Variants in ZFHX3 observed in about 807,000 individuals in gnomAD.
ZFHX3 encodes the protein zinc finger homeobox 3.
A neutral mutation model predicts 279.1 loss-of-function variants in ZFHX3; 42 were observed. The observed-to-expected ratio is 0.15, with a 90% confidence interval of 0.12 to 0.19. The LOEUF (loss-of-function observed/expected upper bound fraction) is 0.19. Among genes scored for constraint, ZFHX3 ranks in the 10% least tolerant of loss-of-function variants. The pLI, the probability that ZFHX3 is intolerant of heterozygous loss-of-function variation, is 1.00. For missense variants in ZFHX3, 4,981 were observed against 4,754.0 expected (o/e 1.05, Z -1.40); for synonymous variants, 2,293 against 1,957.8 (o/e 1.17, Z -4.52).
chr16:73,262,947 C>G (rs1205709159), intron 4 of ZFHX3, among the ~76,000 whole-genome samples: 1 of 152,072 alleles, frequency 6.6e-6, no homozygotes, highest in Non-Finnish European at 1.5e-5. Flanking sequence ...GTGAGGGGCC[C>G]CAGAGCTCCC....
intron 1 of ZFHX3, among the ~76,000 whole-genome samples, chr16:73,003,512 A>ACCCCCCCCCCCCCCC (rs142323888): frequency 1.7e-5 from 2 of 120,678 alleles, no homozygotes; most frequent in African/African-American, 3.2e-5. Context: ...ACATGGTGAG[A>ACCCCCCCCCCCCCCC]CCCCCCCCTC....
At chr16:73,269,224 A>G (rs1407273562) in intron 4 of ZFHX3, among the ~76,000 whole-genome samples, 3 of 152,174 alleles carry the variant, frequency 2.0e-5, no homozygotes, top group South Asian at 2.1e-4. Flanking sequence ...TGGATCTATG[A>G]GTTTTGACAA....
intron 1 of ZFHX3, among the ~76,000 whole-genome samples, chr16:73,762,929 T>C (rs762656772): frequency 6.6e-5 from 10 of 152,156 alleles, no homozygotes; most frequent in Non-Finnish European, 1.3e-4. Context: ...TAATGGCACA[T>C]GTTTACCTAA....
chr16:73,119,570 C>G (rs1054930335), intron 7 of ZFHX3, among the ~76,000 whole-genome samples: 1 of 152,222 alleles, frequency 6.6e-6, no homozygotes, highest in Non-Finnish European at 1.5e-5. Flanking sequence ...ACCAACCAGC[C>G]GTGTGGCCTG....
intron 3 of ZFHX3, among the ~76,000 whole-genome samples, chr16:72,904,387 T>TAAAG (rs1490988404): frequency 1.4e-5 from 2 of 140,838 alleles, no homozygotes; most frequent in Non-Finnish European, 3.0e-5. Context: ...AATAAATAAA[T>TAAAG]AAATAAATAA....
intron 3 of ZFHX3, among the ~76,000 whole-genome samples, chr16:72,936,822 C>G (rs77660823): frequency 0.021 from 3,223 of 151,842 alleles, 130 homozygotes; most frequent in African/African-American, 0.074. Context: ...TTTTCCTCTT[C>G]GTAAAATCCC....
At chr16:73,442,025 C>T (rs972106540) in intron 3 of ZFHX3, among the ~76,000 whole-genome samples, 1 of 152,068 alleles carries the variant, frequency 6.6e-6, no homozygotes, top group Admixed American at 6.6e-5. Flanking sequence ...CAGGTCTCTC[C>T]CCTTCTCCAG....
In ZFHX3 at chr16:72,786,136, G is replaced by A. The variant is rs949697721; in HGVS notation, c.*1028C>T. On this transcript the variant is annotated 3_prime_UTR_variant, in exon 10 of 10. Coordinates refer to ENST00000268489, the MANE Select transcript of ZFHX3 (RefSeq NM_006885.4). ...TAAGGGACAAGGGGAGAAAAGCTTAGGCGAATCAACGGATTGCAATCTATC... is the reference window on the plus strand; with the variant it reads ...TAAGGGACAAGGGGAGAAAAGCTTAAGCGAATCAACGGATTGCAATCTATC... The A allele has an allele frequency of 3.0e-4, 45 of 152,216 alleles. No homozygotes were observed. Among genetic ancestry groups the A allele is most frequent in the African/African-American group, 1.1e-3 (44 of 41,426 alleles). The allele number at this position is 152,216 out of a possible 1,614,324, so 9.4% of individuals were successfully genotyped here. A position where few individuals can be genotyped will look rare whatever the true frequency, so the allele number is the denominator to read the frequency against.
chr16:72,839,583 G>C (rs547194644), intron 4 of ZFHX3, among the ~76,000 whole-genome samples: 1 of 152,184 alleles, frequency 6.6e-6, no homozygotes, highest in South Asian at 2.1e-4. Flanking sequence ...GAGGATGAGA[G>C]AGAGGAAACA....
In ZFHX3 at chr16:72,788,841, C is replaced by T. The variant is rs944027642; in HGVS notation, c.9435G>A (p.Thr3145=). The change falls in exon 10 of 10, where the codon ACG becomes ACA. Residue 3145 remains threonine, a synonymous_variant. Coordinates refer to ENST00000268489, the MANE Select transcript of ZFHX3 (RefSeq NM_006885.4). ...PGFTPSNTAL[T]SPKPNLMGLP... is the part of the protein sequence containing the mutation. ...GACCCATCAAGTTCGGCTTAGGAGA[C>T]GTTAAAGCTGAAAGGAATGGAGACA... 2.6e-5 allele frequency: 40 copies of T among 1,518,486 alleles called. No individual in the cohort carries two copies. The highest frequency in any genetic ancestry group is 3.1e-5 in the Non-Finnish European group (35 of 1,135,802). 94.1% of individuals were successfully genotyped at this position (1,518,486 alleles called of 1,614,324 possible). A position where few individuals can be genotyped will look rare whatever the true frequency, so the allele number is the denominator to read the frequency against.
At position 72,795,431 on chromosome 16, in the gene ZFHX3, G is replaced by A; in HGVS notation, c.7251C>T (p.Ala2417=). The A allele has an allele frequency of 6.2e-7, 1 of 1,614,112 alleles. No homozygotes were observed. The highest frequency in any genetic ancestry group is 8.5e-7 in the Non-Finnish European group (1 of 1,180,026). ...LQLTAEAEEL[A]TFNSKTEAGD... Reference sequence around the variant, plus strand: ...CTGCCTCTGTTTTTGAATTGAAGGTGGCCAGTTCCTCAGCCTCCGCTGTAA... The same window carrying A: ...CTGCCTCTGTTTTTGAATTGAAGGTAGCCAGTTCCTCAGCCTCCGCTGTAA... Residue 2417 remains alanine, a synonymous_variant, in exon 9 of 10, where the codon GCC becomes GCT. Transcript: ENST00000268489.
chr16:73,323,649 C>A lies in ZFHX3; in HGVS notation c.-1290-5313G>T, dbSNP rs76441235. Among the ~76,000 whole-genome samples the A allele has an allele frequency of 3.7e-3, 557 of 152,254 alleles. 1 individual carries two copies. The highest frequency in any genetic ancestry group is 0.013 in the African/African-American group (524 of 41,546). On this transcript the variant is annotated intron_variant, in intron 3 of 17. Transcript: ENST00000641206. ...ATTTGCCGGGTTAAAAGAGACTGTACATGTCTTTGGGTAAAAGAGGAACAG... is the reference window on the plus strand; with the variant it reads ...ATTTGCCGGGTTAAAAGAGACTGTAAATGTCTTTGGGTAAAAGAGGAACAG...
chr16:73,249,404 C>T (rs151108205), intron 5 of ZFHX3, among the ~76,000 whole-genome samples: 1 of 152,270 alleles, frequency 6.6e-6, no homozygotes, highest in Non-Finnish European at 1.5e-5. Flanking sequence ...CTCACAGTTC[C>T]AAATGGCTGG....
At position 72,794,943 on chromosome 16, in the gene ZFHX3, C is replaced by T; in HGVS notation, c.7739G>A (p.Ser2580Asn). 1 of 1,614,112 alleles carries T rather than the reference C, an allele frequency of 6.2e-7. No homozygotes were observed. Among genetic ancestry groups the T allele is most frequent in the South Asian group, 1.1e-5 (1 of 91,072 alleles). The stretch of plus-strand genomic sequence containing the variant: ...CAGCTGGCTGGCCAGGAGTGGGTTA[C>T]TGGGATCAAAGAGCATGAAAGGCAT... The part of the protein sequence containing the change: ...LDMPFMLFDP[S>N]NPLLASQLLS... The change falls in exon 9 of 10, where the codon AGT becomes AAT. Residue 2580 changes from serine (S) to asparagine (N), a missense_variant. Physicochemically the swap from Ser to Asn is conservative, Grantham distance 46. This residue lies in a region of ZFHX3 where 744 missense variants were observed against 701.3 expected (regional missense o/e 1.06). Transcript: ENST00000268489. This position sits in a 1 kb window ranked among gnomAD's most constrained non-coding sequence, Gnocchi z 4.2.
intron 1 of ZFHX3, among the ~76,000 whole-genome samples, chr16:73,800,575 C>G (rs956820660): frequency 1.1e-4 from 16 of 152,128 alleles, no homozygotes; most frequent in African/African-American, 3.4e-4. Flanking sequence ...TCCTCTTCCT[C>G]TTTCCCCCTG....
chr16:73,722,040 G>T (rs2053478171), intron 1 of ZFHX3, among the ~76,000 whole-genome samples: 1 of 152,184 alleles, frequency 6.6e-6, no homozygotes, highest in African/African-American at 2.4e-5. Flanking sequence ...GAGAGATCCT[G>T]TCTCAAACAA....
chr16:73,477,445 A>C (rs143374409), intron 2 of ZFHX3, among the ~76,000 whole-genome samples: 43 of 152,380 alleles, frequency 2.8e-4, no homozygotes, highest in Middle Eastern at 3.4e-3. Flanking sequence ...TAATAAAATC[A>C]ATAGTTGCAA....
At position 73,501,661 on chromosome 16, in the gene ZFHX3, T is replaced by C. The variant is rs115245495; in HGVS notation, c.-1546-45403A>G. 7.0e-3 allele frequency among the ~76,000 whole-genome samples: 1,068 copies of C among 152,288 alleles called. 23 individuals carry two copies. The highest frequency in any genetic ancestry group is 0.025 in the African/African-American group (1,024 of 41,550). On this transcript the variant is annotated intron_variant, in intron 2 of 17. Coordinates refer to the ZFHX3 transcript ENST00000641206. ...GAATTCCGCTGAAGACACCACAACA[T>C]TTATTGAGAACATCTTAGAGCAGGA...
intron 2 of ZFHX3, among the ~76,000 whole-genome samples, chr16:72,954,663 T>C (rs1224019245): frequency 1.3e-5 from 2 of 152,188 alleles, no homozygotes; most frequent in African/African-American, 4.8e-5. Context: ...ACCCCTTTCT[T>C]GGTGCTATGC....
Sources: gnomAD v4.1 joint callset for allele counts (sites outside exome capture counted in the v4.1 genomes callset) on GRCh38, gnomAD v4.1.1 for gene constraint, gnomAD v4.1.1 regional missense constraint, Gnocchi (gnomAD v3.1) non-coding constraint, MANE v1.5 for transcripts, NCBI Gene and HGNC (gene_info 2026-07-23, HGNC 2026-07-21) for gene names.